The following SV2C variants were observed in gnomAD, a reference collection of about 807,000 sequenced individuals.
The protein encoded by SV2C is synaptic vesicle glycoprotein 2C.
In SV2C, 49 loss-of-function variants were observed where a neutral mutation model predicts 79.7. That is an observed-to-expected ratio of 0.61 (90% CI 0.49 to 0.78). SV2C has a LOEUF of 0.78. Among genes scored for constraint, SV2C ranks in the 30% least tolerant of loss-of-function variants. SV2C has a pLI of 0.00. For missense variants in SV2C, 833 were observed against 912.9 expected, an observed-to-expected ratio of 0.91 and a Z score of 1.13; for synonymous variants, 334 against 333.2, an observed-to-expected ratio of 1.00 and a Z score of -0.03.
the SV2C span, among the ~76,000 whole-genome samples, chr5:75,851,986 C>G: frequency 1.3e-5 from 2 of 152,218 alleles, no homozygotes; most frequent in East Asian, 3.9e-4. Flanking sequence ...TTAATACAGG[C>G]AGGAGGAGGA....
chr5:75,967,656 A>G, the SV2C span, among the ~76,000 whole-genome samples: 1 of 152,196 alleles, frequency 6.6e-6, no homozygotes, highest in Non-Finnish European at 1.5e-5. Flanking sequence ...GCTTCAGTAG[A>G]TAAACAAAGT....
At chr5:75,983,718 C>G in the SV2C span, among the ~76,000 whole-genome samples, 1 of 151,998 alleles carries the variant, frequency 6.6e-6, no homozygotes. Flanking sequence ...TTCATAGTCT[C>G]ATTTGATAGC....
In SV2C at chr5:76,352,169, C is replaced by T. The variant is rs138432517; in HGVS notation, c.2001-961C>T. Among the ~76,000 whole-genome samples the T allele has an allele frequency of 3.1e-3, 465 of 152,206 alleles. 1 individual carries two copies. The highest frequency in any genetic ancestry group is 5.4e-3 in the Non-Finnish European group (367 of 68,008). ...CGGAGGTTGCAGTGAGCTGAGCTTG[C>T]GCCATTGCACTCCAGCCTGGGCGAC... On this transcript the variant is annotated intron_variant, in intron 12 of 12. Coordinates refer to the SV2C transcript ENST00000322285.
the SV2C span, among the ~76,000 whole-genome samples, chr5:76,052,566 T>G: frequency 6.6e-6 from 1 of 152,240 alleles, no homozygotes. Context: ...AATGCATGTC[T>G]GTCGTGTTTC....
chr5:76,147,667 A>G (rs1334768369), intron 2 of SV2C, among the ~76,000 whole-genome samples: 5 of 152,220 alleles, frequency 3.3e-5, no homozygotes, highest in Non-Finnish European at 7.3e-5. Flanking sequence ...AACCTAAAAC[A>G]TTCTGTAGGT....
intron 2 of SV2C, among the ~76,000 whole-genome samples, chr5:76,178,451 C>T (rs1743611950): frequency 6.6e-6 from 1 of 151,906 alleles, no homozygotes; most frequent in Admixed American, 6.6e-5. Context: ...GCAGTGGCTC[C>T]CAGTCTTTTG....
intron 4 of SV2C, among the ~76,000 whole-genome samples, chr5:76,238,628 G>T (rs939902597): frequency 2.6e-5 from 4 of 152,204 alleles, no homozygotes; most frequent in African/African-American, 9.6e-5. Context: ...GTGAGGGTGT[G>T]TCACAGTCAG....
chr5:76,173,068 CAAA>C lies in SV2C; in HGVS notation c.581-21840_581-21838del, dbSNP rs200424377. Among the ~76,000 whole-genome samples the C allele has an allele frequency of 6.0e-4, 78 of 131,090 alleles. 2 individuals carry two copies. Among genetic ancestry groups the C allele is most frequent in the African/African-American group, 2.0e-3 (75 of 37,188 alleles). The allele number at this position is 131,090 out of a possible 152,430, so 86.0% of individuals were successfully genotyped here. ...TAAAAAAATAAATTAAAAAAAAATA[CAAA>C]AAAAAAAAAATTAAAAAAACTATAT... On this transcript the variant is annotated intron_variant, in intron 2 of 12. Transcript: ENST00000502798.
At chr5:76,053,969 TTTGTTG>T in the SV2C span, among the ~76,000 whole-genome samples, 15 of 151,740 alleles carry the variant, frequency 9.9e-5, no homozygotes, top group African/African-American at 3.6e-4. Context: ...TTAAAGTAAG[TTTGTTG>T]TTGTTGTTGT....
At chr5:76,073,525 ATATATATATATATAT>A in the SV2C span, among the ~76,000 whole-genome samples, 2 of 127,588 alleles carry the variant, frequency 1.6e-5, no homozygotes, top group African/African-American at 6.3e-5. Context: ...ATATATATAT[ATATATATATATATAT>A]ATATACACCA....
At chr5:76,221,227 G>A (rs2112377347) in intron 4 of SV2C, among the ~76,000 whole-genome samples, 1 of 152,334 alleles carries the variant, frequency 6.6e-6, no homozygotes, top group African/African-American at 2.4e-5. Flanking sequence ...GAATGGTCAG[G>A]AAGGCTGGAG....
intron 1 of SV2C, among the ~76,000 whole-genome samples, chr5:76,105,104 G>T (rs1334904699): frequency 1.3e-5 from 2 of 152,174 alleles, no homozygotes; most frequent in Non-Finnish European, 2.9e-5. Context: ...TAAATCCAAG[G>T]TGTCCTTAGA....
At chr5:75,971,642 A>G in the SV2C span, among the ~76,000 whole-genome samples, 3 of 152,130 alleles carry the variant, frequency 2.0e-5, no homozygotes, top group Admixed American at 6.5e-5. Flanking sequence ...CTCTTCAAGG[A>G]GAACTACAAA....
intron 12 of SV2C, among the ~76,000 whole-genome samples, chr5:76,312,369 C>T (rs1428221118): frequency 2.6e-5 from 4 of 152,070 alleles, no homozygotes; most frequent in African/African-American, 4.8e-5. Flanking sequence ...TCTCCTGCCT[C>T]GGCCTCCTGA....
At chr5:75,855,709 G>C in the SV2C span, among the ~76,000 whole-genome samples, 1 of 152,182 alleles carries the variant, frequency 6.6e-6, no homozygotes, top group Admixed American at 6.5e-5. Flanking sequence ...GGGTACATGA[G>C]ATATTTTGAT....
intron 4 of SV2C, among the ~76,000 whole-genome samples, chr5:76,228,544 C>G (rs191213693): frequency 2.0e-5 from 3 of 152,044 alleles, no homozygotes; most frequent in Admixed American, 2.0e-4. Context: ...GCAAGGAAAC[C>G]GTAAGTCTGC....
the SV2C span, among the ~76,000 whole-genome samples, chr5:76,070,046 C>A: frequency 6.4e-4 from 98 of 152,264 alleles, no homozygotes; most frequent in Middle Eastern, 6.8e-3. Context: ...TCTCTCAGGT[C>A]ATCTTCCACA....
chr5:75,851,307 G>A, the SV2C span, among the ~76,000 whole-genome samples: 1 of 152,190 alleles, frequency 6.6e-6, no homozygotes, highest in Non-Finnish European at 1.5e-5. Context: ...GTTCTGCTAT[G>A]TGCATAGCTG....
chr5:75,908,213 G>A, the SV2C span, among the ~76,000 whole-genome samples: 1 of 152,184 alleles, frequency 6.6e-6, no homozygotes, highest in Non-Finnish European at 1.5e-5. Flanking sequence ...AGCATTAGGT[G>A]ACACCAATCT....
Sources: gnomAD v4.1 joint callset for allele counts (sites outside exome capture counted in the v4.1 genomes callset) on GRCh38, gnomAD v4.1.1 for gene constraint, MANE v1.5 for transcripts, NCBI Gene and HGNC (gene_info 2026-07-23, HGNC 2026-07-21) for gene names.